The following CHN2 variants were observed in gnomAD, a reference collection of about 807,000 sequenced individuals.
The protein encoded by CHN2 is beta-chimaerin.
A neutral mutation model predicts 56.3 loss-of-function variants in CHN2; 35 were observed. The ratio of observed to expected loss-of-function variants is 0.62; its 90% CI spans 0.47 to 0.82. CHN2 has a LOEUF of 0.82. Ranked by LOEUF, CHN2 falls within the 40% of genes least tolerant of loss-of-function variation. The probability of loss-of-function intolerance (pLI) is 0.00; values close to 1 mark genes in which losing one functional copy is unlikely to be tolerated. For missense variants in CHN2, 491 were observed against 580.5 expected (o/e 0.85, Z 1.58); for synonymous variants, 210 against 212.8 (o/e 0.99, Z 0.12).
At position 29,265,107 on chromosome 7, in the gene CHN2, G is replaced by A. The variant is rs186068894; in HGVS notation, c.49+70117G>A. ...AGAGTCTAGAGACTTTGAAGGAATAGGGACGGCATCATGGGCTGCCCTTCT... is the reference window on the plus strand; with the variant it reads ...AGAGTCTAGAGACTTTGAAGGAATAAGGACGGCATCATGGGCTGCCCTTCT... On this transcript the variant is annotated intron_variant, in intron 1 of 12. Transcript: ENST00000222792. Among the ~76,000 whole-genome samples, 3 of 152,252 alleles carry A rather than the reference G, an allele frequency of 2.0e-5. No individual in the cohort carries two copies. The East Asian group carries it at 5.8e-4, about 29-fold the overall frequency.
At chr7:29,313,760 G>A (rs954702148) in intron 1 of CHN2, among the ~76,000 whole-genome samples, 1 of 152,194 alleles carries the variant, frequency 6.6e-6, no homozygotes, top group Non-Finnish European at 1.5e-5. Context: ...GGCTCTTCGT[G>A]TTCATACCCT....
At chr7:29,323,445 A>G (rs947721737) in intron 1 of CHN2, among the ~76,000 whole-genome samples, 1 of 152,128 alleles carries the variant, frequency 6.6e-6, no homozygotes, top group Non-Finnish European at 1.5e-5. Context: ...GCCTAAGATT[A>G]CAGAGTTTTT....
intron 6 of CHN2, among the ~76,000 whole-genome samples, chr7:29,468,201 A>G (rs1785727889): frequency 1.5e-5 from 2 of 129,342 alleles, no homozygotes; most frequent in South Asian, 4.9e-4. Context: ...TGATGATGCC[A>G]TACTTCCACC....
rs1402772744 is a variant in CHN2, at chr7:29,317,329, T to TG, written c.50-37294dup. 2.0e-5 allele frequency among the ~76,000 whole-genome samples: 3 copies of TG among 152,176 alleles called. No individual in the cohort carries two copies. The East Asian group carries it at 5.8e-4, about 29-fold the overall frequency. On this transcript the variant is annotated intron_variant, in intron 1 of 12. Transcript: ENST00000222792. Reference sequence around the variant, plus strand: ...AAATTGGTACGAGTAATGATGACTGTGGAAAAAAAATCAACATATGCGTCA... The same window carrying TG: ...AAATTGGTACGAGTAATGATGACTGTGGGAAAAAAAATCAACATATGCGTCA...
intron 1 of CHN2, among the ~76,000 whole-genome samples, chr7:29,325,838 G>A (rs546632149): frequency 6.6e-6 from 1 of 152,286 alleles, no homozygotes; most frequent in African/African-American, 2.4e-5. Context: ...CTTGGAGTAT[G>A]TTTGCAGGAA....
At chr7:29,156,960 G>T (rs1344502694) in intron 2 of CHN2, among the ~76,000 whole-genome samples, 1 of 152,038 alleles carries the variant, frequency 6.6e-6, no homozygotes, top group East Asian at 1.9e-4. Context: ...CAAAACAAAA[G>T]CTACCCTTCG....
intron 1 of CHN2, among the ~76,000 whole-genome samples, chr7:29,245,042 C>T (rs1028050020): frequency 1.3e-5 from 2 of 152,194 alleles, no homozygotes; most frequent in Non-Finnish European, 2.9e-5. Flanking sequence ...ACACACTTTC[C>T]TGTATCGATT....
At chr7:29,299,947 CAG>C (rs1793519726) in intron 1 of CHN2, among the ~76,000 whole-genome samples, 1 of 152,054 alleles carries the variant, frequency 6.6e-6, no homozygotes, top group African/African-American at 2.4e-5. Flanking sequence ...GGATTCCAAA[CAG>C]AGAAAATAAC....
intron 6 of CHN2, among the ~76,000 whole-genome samples, chr7:29,476,243 A>C (rs192558573): frequency 1.7e-4 from 26 of 152,226 alleles, no homozygotes; most frequent in South Asian, 4.2e-4. Context: ...ATGAGTCAAA[A>C]TATGCAAAGT....
intron 1 of CHN2, among the ~76,000 whole-genome samples, chr7:29,213,717 T>C (rs1396109150): frequency 2.6e-5 from 4 of 152,202 alleles, no homozygotes; most frequent in African/African-American, 7.2e-5. Flanking sequence ...CCCTAATTTT[T>C]TGGTGATGCT....
intron 2 of CHN2, chr7:29,184,276 T>C (rs1422309786): frequency 2.0e-5 from 3 of 150,806 alleles, no homozygotes; most frequent in African/African-American, 7.3e-5. Flanking sequence ...AGTGGATATA[T>C]ATGATATATA....
intron 2 of CHN2, among the ~76,000 whole-genome samples, chr7:29,186,780 A>G (rs570035280): frequency 3.9e-5 from 6 of 152,252 alleles, no homozygotes; most frequent in African/African-American, 1.4e-4. Context: ...ACTAAAGGGT[A>G]ATTTTTTTTT....
chr7:29,462,278 T>C (rs569496869), intron 6 of CHN2, among the ~76,000 whole-genome samples: 1 of 152,332 alleles, frequency 6.6e-6, no homozygotes, highest in East Asian at 1.9e-4. Context: ...CTATAGACCA[T>C]ATCACCAAAA....
At chr7:29,465,248 T>C (rs531501129) in intron 6 of CHN2, among the ~76,000 whole-genome samples, 12 of 152,340 alleles carry the variant, frequency 7.9e-5, no homozygotes, top group South Asian at 4.1e-4. Flanking sequence ...GTTTAGGAAT[T>C]GTGGCAGGTC....
chr7:29,441,821 C>T (rs1212480030), intron 6 of CHN2, among the ~76,000 whole-genome samples: 1 of 152,118 alleles, frequency 6.6e-6, no homozygotes, highest in Non-Finnish European at 1.5e-5. Context: ...AACCTTCATA[C>T]ATTGCTGGTG....
chr7:29,212,352 G>T, intron 1 of CHN2: 2 of 1,529,092 alleles, frequency 1.3e-6, no homozygotes, highest in Non-Finnish European at 1.8e-6. Context: ...CGAAGCATCC[G>T]ACTGTAAAGA....
rs895690183 is a variant in CHN2 at position 29,301,816 on chromosome 7, A to C, written c.50-52809A>C. Among the ~76,000 whole-genome samples the C allele has an allele frequency of 2.0e-5, 3 of 152,166 alleles. No individual in the cohort carries two copies. In the East Asian group the frequency reaches 5.8e-4, roughly 29 times the overall value. ...AGATTTCCTCCCCCTTTCTCTTCAAATAGGTCCATGTTTGAGTTTTTTGGT... is the reference window on the plus strand; with the variant it reads ...AGATTTCCTCCCCCTTTCTCTTCAACTAGGTCCATGTTTGAGTTTTTTGGT... On this transcript the variant is annotated intron_variant, in intron 1 of 12. Transcript: ENST00000222792.
upstream of CHN2, among the ~76,000 whole-genome samples, chr7:29,189,920 G>C (rs1168366970): frequency 6.6e-6 from 1 of 152,112 alleles, no homozygotes; most frequent in Non-Finnish European, 1.5e-5. Flanking sequence ...CAGGCGATGT[G>C]AACTGGGAAT....
chr7:29,147,087 T>A, intron 2 of CHN2: 1 of 1,313,900 alleles, frequency 7.6e-7, no homozygotes, highest in Non-Finnish European at 1.0e-6. Flanking sequence ...ACAAACTAAG[T>A]GAGGTTAAGT....
Sources: allele counts gnomAD v4.1 joint callset (sites outside exome capture counted in the v4.1 genomes callset), GRCh38; gene constraint gnomAD v4.1.1; transcripts MANE v1.5; gene names NCBI Gene and HGNC (gene_info 2026-07-23, HGNC 2026-07-21).